Variants in TCF12 observed in about 807,000 individuals in gnomAD.
TCF12 encodes transcription factor 12, also known as DNA-binding protein HTF4.
A neutral mutation model predicts 86.0 loss-of-function variants in TCF12; 45 were observed. That is an observed-to-expected ratio of 0.52 (90% CI 0.41 to 0.67). TCF12 has a LOEUF of 0.67. Ranked by LOEUF, TCF12 falls within the 30% of genes least tolerant of loss-of-function variation. The pLI is 0.00. For synonymous variants in TCF12, 330 were observed against 299.6 expected, an observed-to-expected ratio of 1.10 and a Z score of -1.05; for missense variants, 881 against 859.9, an observed-to-expected ratio of 1.02 and a Z score of -0.31.
At chr15:57,190,680 TTAC>T (rs2056934900) in intron 6 of TCF12, among the ~76,000 whole-genome samples, 1 of 152,154 alleles carries the variant, frequency 6.6e-6, no homozygotes, top group Non-Finnish European at 1.5e-5. Flanking sequence ...TGTGAGAGGG[TTAC>T]TGCATTAGTA....
intron 3 of TCF12, among the ~76,000 whole-genome samples, chr15:56,924,915 A>G (rs1475982193): frequency 6.6e-6 from 1 of 152,186 alleles, no homozygotes. Flanking sequence ...ATTGAAAAAC[A>G]AGGTCGGGTG....
intron 3 of TCF12, among the ~76,000 whole-genome samples, chr15:57,012,665 C>T (rs1421666521): frequency 1.3e-5 from 2 of 152,178 alleles, no homozygotes; most frequent in East Asian, 1.9e-4. Flanking sequence ...GTGACATCCT[C>T]GACTAAGTCC....
chr15:57,208,662 T>C (rs2057969884), intron 8 of TCF12, among the ~76,000 whole-genome samples: 1 of 149,120 alleles, frequency 6.7e-6, no homozygotes, highest in South Asian at 2.1e-4. Context: ...TGGGATTACA[T>C]GCGTGAGCCA....
chr15:57,221,383 G>GGTGTGT (rs144351636), intron 8 of TCF12, among the ~76,000 whole-genome samples: 66,251 of 148,558 alleles, frequency 0.45, 16,464 homozygotes, highest in Non-Finnish European at 0.56. Context: ...ATGTGTGTGG[G>GGTGTGT]GTGTGTGTGT....
At chr15:57,206,691 G>T (rs1298279177) in intron 8 of TCF12, among the ~76,000 whole-genome samples, 1 of 148,512 alleles carries the variant, frequency 6.7e-6, no homozygotes, top group Non-Finnish European at 1.5e-5. Context: ...GTACTCGGAA[G>T]GCTGAGGCAG....
At chr15:57,097,398 A>G (rs756941388) in intron 5 of TCF12, among the ~76,000 whole-genome samples, 1 of 152,004 alleles carries the variant, frequency 6.6e-6, no homozygotes, top group Non-Finnish European at 1.5e-5. Context: ...GCATGGTGGC[A>G]CATGCCTATG....
At chr15:57,230,182 A>T (rs768563021) in intron 8 of TCF12, among the ~76,000 whole-genome samples, 9 of 151,978 alleles carry the variant, frequency 5.9e-5, no homozygotes, top group Non-Finnish European at 1.0e-4. Context: ...CCATAATGTT[A>T]ATGTTATTCT....
chr15:57,000,059 G>C (rs1426372562), intron 3 of TCF12, among the ~76,000 whole-genome samples: 1 of 151,790 alleles, frequency 6.6e-6, no homozygotes, highest in Non-Finnish European at 1.5e-5. Context: ...TTCATAACTA[G>C]GAGTATTCAT....
At position 57,286,368 on chromosome 15, in the gene TCF12, C is replaced by A; in HGVS notation, c.*223C>A. 1 of 253,952 alleles carries A rather than the reference C, an allele frequency of 3.9e-6. No homozygotes were observed. The highest frequency in any genetic ancestry group is 7.9e-6 in the Non-Finnish European group (1 of 126,960). 15.7% of individuals were successfully genotyped at this position (253,952 alleles called of 1,614,324 possible). Reference sequence around the variant, plus strand: ...GGAAGCTCATCAGATAGAACATCAGCCCATGAGATGTTTGCAACAAATCTT... The same window carrying A: ...GGAAGCTCATCAGATAGAACATCAGACCATGAGATGTTTGCAACAAATCTT... On this transcript the variant is annotated 3_prime_UTR_variant, in exon 21 of 21. Coordinates refer to ENST00000333725, the MANE Select transcript of TCF12 (RefSeq NM_207037.2).
At chr15:57,149,280 G>A (rs1168056752) in intron 5 of TCF12, among the ~76,000 whole-genome samples, 6 of 151,736 alleles carry the variant, frequency 4.0e-5, no homozygotes, top group Admixed American at 2.0e-4. Flanking sequence ...CAAGGGTTGG[G>A]GCCAGGAATT....
intron 19 of TCF12, among the ~76,000 whole-genome samples, chr15:57,277,914 T>C (rs987810287): frequency 6.6e-6 from 1 of 151,694 alleles, no homozygotes; most frequent in Non-Finnish European, 1.5e-5. Flanking sequence ...CACTCCAGTC[T>C]GGGCAGCAGA....
At chr15:56,928,201 G>A (rs905085237) in intron 3 of TCF12, among the ~76,000 whole-genome samples, 4 of 152,184 alleles carry the variant, frequency 2.6e-5, no homozygotes, top group Non-Finnish European at 2.9e-5. Context: ...TTTGTGAAAA[G>A]TGGGTAATAA....
At chr15:57,037,540 G>A (rs2064144279) in intron 3 of TCF12, among the ~76,000 whole-genome samples, 1 of 152,170 alleles carries the variant, frequency 6.6e-6, no homozygotes, top group African/African-American at 2.4e-5. Context: ...TAGAGGATAA[G>A]GAGATAAAGA....
At chr15:57,004,786 C>T (rs1273413275) in intron 3 of TCF12, among the ~76,000 whole-genome samples, 2 of 151,978 alleles carry the variant, frequency 1.3e-5, no homozygotes, top group African/African-American at 4.8e-5. Context: ...GAACTCCTGA[C>T]CTCAAGTGAT....
chr15:57,045,463 C>T (rs1373637836), intron 3 of TCF12, among the ~76,000 whole-genome samples: 1 of 152,134 alleles, frequency 6.6e-6, no homozygotes, highest in Admixed American at 6.5e-5. Context: ...GTCAGTATTA[C>T]ACTCTGTGGT....
chr15:56,996,426 A>T (rs1164227250), intron 3 of TCF12, among the ~76,000 whole-genome samples: 2 of 152,212 alleles, frequency 1.3e-5, no homozygotes, highest in Non-Finnish European at 2.9e-5. Flanking sequence ...TGTTGCTTTT[A>T]ATAACTGGCT....
chr15:57,039,868 C>G (rs2141436319), intron 3 of TCF12, among the ~76,000 whole-genome samples: 1 of 152,202 alleles, frequency 6.6e-6, no homozygotes, highest in African/African-American at 2.4e-5. Context: ...TGCCACAGCT[C>G]TTTGAGATTG....
At chr15:57,068,453 T>A (rs1199645880) in intron 4 of TCF12, among the ~76,000 whole-genome samples, 2 of 152,350 alleles carry the variant, frequency 1.3e-5, no homozygotes, top group African/African-American at 4.8e-5. Context: ...ATTTAACTAC[T>A]TTTATTTATT....
chr15:56,978,823 G>T (rs1242418875), intron 3 of TCF12, among the ~76,000 whole-genome samples: 1 of 152,144 alleles, frequency 6.6e-6, no homozygotes, highest in Non-Finnish European at 1.5e-5. Context: ...AAAGCCCAAG[G>T]GAGCTTTATT....
Sources: allele counts gnomAD v4.1 joint callset (sites outside exome capture counted in the v4.1 genomes callset), GRCh38; gene constraint gnomAD v4.1.1; transcripts MANE v1.5; gene names NCBI Gene and HGNC (gene_info 2026-07-23, HGNC 2026-07-21).